BMP8B: variants seen among roughly 807,000 people sequenced by gnomAD.
BMP8B encodes the protein bone morphogenetic protein 8b, also known as bone morphogenetic protein 8 (osteogenic protein 2).
In BMP8B, 17 loss-of-function variants were observed where a neutral mutation model predicts 30.3. That is an observed-to-expected ratio of 0.56 (90% CI 0.38 to 0.84). The LOEUF (loss-of-function observed/expected upper bound fraction) is 0.84, where lower values mean the gene tolerates loss of function less well. BMP8B is among the 40% of genes least tolerant of loss of function. The pLI, the probability that BMP8B is intolerant of heterozygous loss-of-function variation, is 0.00. For missense variants in BMP8B, 253 were observed against 494.6 expected (o/e 0.51, Z 4.63); for synonymous variants, 131 against 214.7 (o/e 0.61, Z 3.41).
chr1:39,768,321 G>A (rs1342249581), intron 3 of BMP8B, among the ~76,000 whole-genome samples: 2 of 103,404 alleles, frequency 1.9e-5, no homozygotes, highest in Non-Finnish European at 3.9e-5. Context: ...GTCCTAGGCT[G>A]TAGCCTTTGG....
rs1365965781 is a variant in BMP8B at position 39,759,198 on chromosome 1, C to G, written c.*1221G>C. ...AGAGGCTGAGACAAACCTCTCCACC[C>G]AACTCAGCCTAATTACTACTTGTCA... On this transcript the variant is annotated 3_prime_UTR_variant, in exon 7 of 7. Coordinates refer to ENST00000372827, the MANE Select transcript of BMP8B (RefSeq NM_001720.5). 6.6e-6 allele frequency: 1 copy of G among 152,328 alleles called. No individual in the cohort carries two copies. The highest frequency in any genetic ancestry group is 1.9e-4 in the East Asian group (1 of 5,202). 9.4% of individuals were successfully genotyped at this position (152,328 alleles called of 1,614,324 possible). A position where few individuals can be genotyped will look rare whatever the true frequency, so the allele number is the denominator to read the frequency against.
chr1:39,767,242 G>A (rs1279963534), intron 3 of BMP8B, among the ~76,000 whole-genome samples: 1 of 152,146 alleles, frequency 6.6e-6, no homozygotes, highest in Non-Finnish European at 1.5e-5. Flanking sequence ...AACCTTGGAA[G>A]CAGCTAATCC....
At chr1:39,762,605 T>C (rs1649147129) in intron 6 of BMP8B, 3 of 1,549,958 alleles carry the variant, frequency 1.9e-6, no homozygotes, top group Non-Finnish European at 1.7e-6. Context: ...AGCCAAAAGG[T>C]TGAGAGCCAC....
At position 39,760,630 on chromosome 1, in the gene BMP8B, C is replaced by T. The variant is rs1648824047; in HGVS notation, c.1060-62G>A. ...CAGTGGCCTCCTCCAAGGACCCACC[C>T]AGCCCCACCCCAGCTCCACCTGCTC... On this transcript the variant is annotated intron_variant, in intron 6 of 6. Transcript: ENST00000372827. The T allele has an allele frequency of 3.2e-6, 5 of 1,554,108 alleles. No individual in the cohort carries two copies. In the Admixed American group the frequency reaches 9.3e-5, roughly 29 times the overall value.
intron 1 of BMP8B, among the ~76,000 whole-genome samples, chr1:39,775,554 G>A (rs1650167579): frequency 6.6e-6 from 1 of 152,188 alleles, no homozygotes; most frequent in Non-Finnish European, 1.5e-5. Context: ...GGCAGGGGAG[G>A]GCTCAGGGCT....
At chr1:39,780,153 T>G (rs1650531101) in intron 1 of BMP8B, among the ~76,000 whole-genome samples, 1 of 152,222 alleles carries the variant, frequency 6.6e-6, no homozygotes. Context: ...CATATTCTAT[T>G]GGTCACACAG....
Position 39,757,866 on chromosome 1 carries a change from A to C in BMP8B, c.*2553T>G, listed in dbSNP as rs1648457601. ...TCAAGGGATTTTTCTATTTTATTTC[A>C]TTTGGTGACTATCTGGATGATAAAA... On this transcript the variant is annotated 3_prime_UTR_variant, in exon 7 of 7. Coordinates refer to ENST00000372827, the MANE Select transcript of BMP8B (RefSeq NM_001720.5). The C allele has an allele frequency of 6.6e-6, 1 of 152,184 alleles. No individual in the cohort carries two copies. Among genetic ancestry groups the C allele is most frequent in the South Asian group, 2.1e-4 (1 of 4,830 alleles). The allele number at this position is 152,184 out of a possible 1,614,324, so 9.4% of individuals were successfully genotyped here. A position where few individuals can be genotyped will look rare whatever the true frequency, so the allele number is the denominator to read the frequency against.
Position 39,763,188 on chromosome 1 carries a change from A to G in BMP8B, c.963T>C (p.Ala321=), listed in dbSNP as rs768947355. ...QDLGWLDWVI[A]PQGYSAYYCE... Reference sequence around the variant, plus strand: ...AGTAATAGGCCGAGTAGCCTTGGGGAGCGATGACCCAGTCCTGGGGGGCAA... The same window carrying G: ...AGTAATAGGCCGAGTAGCCTTGGGGGGCGATGACCCAGTCCTGGGGGGCAA... Residue 321 remains alanine, a synonymous_variant, in exon 6 of 7, where the codon GCT becomes GCC. Transcript: ENST00000372827. 114 of 1,612,850 alleles carry G rather than the reference A, an allele frequency of 7.1e-5. No individual in the cohort carries two copies. Among genetic ancestry groups the G allele is most frequent in the African/African-American group, 2.5e-4 (19 of 74,806 alleles).
Position 39,788,612 on chromosome 1 carries a change from G to C in BMP8B, c.-127C>G. 1 of 858,480 alleles carries C rather than the reference G, an allele frequency of 1.2e-6. No homozygotes were observed. The highest frequency in any genetic ancestry group is 1.8e-5 in the African/African-American group (1 of 54,484). 53.2% of individuals were successfully genotyped at this position (858,480 alleles called of 1,614,324 possible). On this transcript the variant is annotated 5_prime_UTR_variant, in exon 1 of 7. Coordinates refer to ENST00000372827, the MANE Select transcript of BMP8B (RefSeq NM_001720.5). This position sits in a 1 kb window ranked among gnomAD's most constrained non-coding sequence, Gnocchi z 5.8. ...GGCGGGCGGCGGGCGGCGGGGCGGG[G>C]CGGGACGGGCGGCGACCGCGGCCTC...
Position 39,770,586 on chromosome 1 carries a change from T to C in BMP8B, c.673+3722A>G, listed in dbSNP as rs757347221. The C allele has an allele frequency of 3.1e-6, 5 of 1,600,934 alleles. 1 individual carries two copies. In the African/African-American group the frequency reaches 7.0e-5, roughly 22 times the overall value. On this transcript the variant is annotated intron_variant, in intron 3 of 6. Coordinates refer to ENST00000372827, the MANE Select transcript of BMP8B (RefSeq NM_001720.5). ...ACGTTGAAATTGCGGGCGCTTCTCC[T>C]GAAGACCACGTTTCCTGCCCGGTCG...
chr1:39,764,932 A>AG (rs750861612), intron 3 of BMP8B, 115 bp from the exon 4 acceptor site: 184 of 1,519,664 alleles, frequency 1.2e-4, no homozygotes, highest in South Asian at 1.8e-4. Context: ...TGAGGACCCA[A>AG]GGGGTCCTGC....
intron 1 of BMP8B, among the ~76,000 whole-genome samples, chr1:39,782,653 A>T (rs1650726201): frequency 6.6e-6 from 1 of 151,996 alleles, no homozygotes; most frequent in Admixed American, 6.6e-5. Flanking sequence ...TTTTTAGTAG[A>T]GACGGGGTTT....
chr1:39,770,140 G>A (rs1569819115), intron 3 of BMP8B: 3 of 1,227,150 alleles, frequency 2.4e-6, no homozygotes, highest in Non-Finnish European at 3.3e-6. Context: ...AGCAGCCCCC[G>A]GGAAGCACCG....
chr1:39,768,480 G>A lies in BMP8B; in HGVS notation c.674-3663C>T, dbSNP rs566657971. Among the ~76,000 whole-genome samples, 717 of 146,446 alleles carry A rather than the reference G, an allele frequency of 4.9e-3. 6 individuals are homozygous for A. Among genetic ancestry groups the A allele is most frequent in the African/African-American group, 0.016 (619 of 39,600 alleles). ...GCTTAACATCTCATAGGTCCCAGGA[G>A]GAGAGATGTGGGAGGAGGAGGGGAG... On this transcript the variant is annotated intron_variant, in intron 3 of 6. Transcript: ENST00000372827.
intron 6 of BMP8B, chr1:39,762,555 C>G: frequency 6.5e-7 from 1 of 1,550,306 alleles, no homozygotes; most frequent in East Asian, 2.4e-5. Flanking sequence ...CCAGGGGATC[C>G]AGAAAAAACA....
rs753788044 is a variant in BMP8B, at chr1:39,774,892, G to A, written c.481C>T (p.Leu161Phe). Residue 161 changes from leucine (L) to phenylalanine (F), a missense_variant, in exon 2 of 7, where the codon CTC becomes TTC. Physicochemically the swap from Leu to Phe is conservative, Grantham distance 22. Around this residue, in one of 7 missense-constraint regions of BMP8B, gnomAD observed 21 missense variants for 83.0 expected, o/e 0.25. Coordinates refer to ENST00000372827, the MANE Select transcript of BMP8B (RefSeq NM_001720.5). ...VPSIHLLNRT[L>F]HVSMFQVVQE... Reference sequence around the variant, plus strand: ...ACCACCTGGAACATGCTGACGTGGAGGGTCCTGTTGAGCAGGTGGATGCTG... The same window carrying A: ...ACCACCTGGAACATGCTGACGTGGAAGGTCCTGTTGAGCAGGTGGATGCTG... 4.0e-5 allele frequency: 41 copies of A among 1,015,626 alleles called. No individual in the cohort carries two copies. Among genetic ancestry groups the A allele is most frequent in the Non-Finnish European group, 5.8e-5 (41 of 701,940 alleles). The allele number at this position is 1,015,626 out of a possible 1,614,324, so 62.9% of individuals were successfully genotyped here. A position where few individuals can be genotyped will look rare whatever the true frequency, so the allele number is the denominator to read the frequency against.
chr1:39,780,229 AG>A (rs1650536272), intron 1 of BMP8B, among the ~76,000 whole-genome samples: 1 of 152,198 alleles, frequency 6.6e-6, no homozygotes, highest in South Asian at 2.1e-4. Context: ...GGGACCATCG[AG>A]GGCCATGGTG....
intron 1 of BMP8B, among the ~76,000 whole-genome samples, chr1:39,780,088 G>A (rs765873113): frequency 1.5e-3 from 227 of 152,306 alleles, no homozygotes; most frequent in Non-Finnish European, 2.9e-3. Context: ...TCCGAGAGAT[G>A]GAAGCCATGG....
intron 3 of BMP8B, among the ~76,000 whole-genome samples, chr1:39,769,162 G>A (rs1336682738): frequency 6.6e-6 from 1 of 150,426 alleles, no homozygotes; most frequent in African/African-American, 2.5e-5. Context: ...ATTCCAGCCT[G>A]AGCGACAGAG....
Sources: allele counts gnomAD v4.1 joint callset (sites outside exome capture counted in the v4.1 genomes callset), GRCh38; gene constraint gnomAD v4.1.1; regional missense constraint gnomAD v4.1.1; non-coding constraint Gnocchi (gnomAD v3.1); transcripts MANE v1.5; gene names NCBI Gene and HGNC (gene_info 2026-07-23, HGNC 2026-07-21).